GFOD1: variants seen among roughly 807,000 people sequenced by gnomAD.
GFOD1 encodes glucose-fructose oxidoreductase domain-containing protein 1.
In GFOD1, 9 loss-of-function variants were observed where a neutral mutation model predicts 25.4. The observed-to-expected ratio is 0.35, with a 90% CI of 0.21 to 0.62. The LOEUF is 0.62. Among genes scored for constraint, GFOD1 ranks in the 20% least tolerant of loss-of-function variants. The pLI is 0.72. For missense variants in GFOD1, 403 were observed against 556.9 expected (o/e 0.72, Z 2.78); for synonymous variants, 253 against 245.6 (o/e 1.03, Z -0.28).
chr6:13,369,150 C>T (rs1357769460), intron 1 of GFOD1, among the ~76,000 whole-genome samples: 1 of 152,176 alleles, frequency 6.6e-6, no homozygotes, highest in Non-Finnish European at 1.5e-5. Context: ...CCCACAGCAC[C>T]CTGTGGTGCA....
intron 1 of GFOD1, among the ~76,000 whole-genome samples, chr6:13,412,873 A>C (rs1037643995): frequency 3.3e-5 from 5 of 152,240 alleles, no homozygotes; most frequent in African/African-American, 1.2e-4. Flanking sequence ...TCAAATGCTC[A>C]TCTGAGAAGG....
intron 1 of GFOD1, among the ~76,000 whole-genome samples, chr6:13,442,685 C>G (rs1003548298): frequency 6.6e-6 from 1 of 152,206 alleles, no homozygotes; most frequent in African/African-American, 2.4e-5. Flanking sequence ...TGCCTGTGCT[C>G]TATACATGGA....
chr6:13,372,140 T>TGA (rs1584609087), intron 1 of GFOD1, among the ~76,000 whole-genome samples: 1 of 152,330 alleles, frequency 6.6e-6, no homozygotes, highest in East Asian at 1.9e-4. Context: ...ATGGTGGAGC[T>TGA]GAGAGATACC....
chr6:13,367,667 G>C (rs1010363232), intron 1 of GFOD1, among the ~76,000 whole-genome samples: 1 of 151,732 alleles, frequency 6.6e-6, no homozygotes, highest in Non-Finnish European at 1.5e-5. Flanking sequence ...GAGTGGCAGG[G>C]AATGAGAAAG....
intron 1 of GFOD1, among the ~76,000 whole-genome samples, chr6:13,451,088 C>T (rs149879022): frequency 1.8e-4 from 28 of 152,296 alleles, no homozygotes; most frequent in East Asian, 7.7e-4. Flanking sequence ...TTGTACACTT[C>T]GGGCAACTCC....
At position 13,359,732 on chromosome 6, in the gene GFOD1, A is replaced by G. The variant is rs2127553159; in HGVS notation, c.*5011T>C. The G allele has an allele frequency of 6.6e-6, 1 of 152,270 alleles. No individual in the cohort carries two copies. The highest frequency in any genetic ancestry group is 1.9e-4 in the East Asian group (1 of 5,184). The allele number at this position is 152,270 out of a possible 1,614,324, so 9.4% of individuals were successfully genotyped here. ...GGGAGGTCAAGGCGGGCGGATCACA[A>G]GGTCAGGAGTTCAAGACCAGCCTGA... On this transcript the variant is annotated 3_prime_UTR_variant, in exon 2 of 2. Transcript: ENST00000379287.
intron 1 of GFOD1, among the ~76,000 whole-genome samples, chr6:13,452,162 T>G (rs13213515): frequency 6.6e-6 from 1 of 151,890 alleles, no homozygotes; most frequent in South Asian, 2.1e-4. Flanking sequence ...TGGGGCTCCA[T>G]GAGATCCAAT....
intron 1 of GFOD1, among the ~76,000 whole-genome samples, chr6:13,421,775 G>A (rs925119305): frequency 6.6e-5 from 10 of 152,150 alleles, no homozygotes; most frequent in African/African-American, 2.4e-4. Context: ...ATCACAGAAG[G>A]GACTGTTGAG....
At chr6:13,418,985 C>T (rs759779227) in intron 1 of GFOD1, among the ~76,000 whole-genome samples, 9 of 152,148 alleles carry the variant, frequency 5.9e-5, no homozygotes, top group Non-Finnish European at 8.8e-5. Flanking sequence ...ATTGTCCGGT[C>T]GGTGTTTCCT....
At chr6:13,471,725 T>A (rs1758509427) in intron 1 of GFOD1, among the ~76,000 whole-genome samples, 1 of 152,170 alleles carries the variant, frequency 6.6e-6, no homozygotes, top group African/African-American at 2.4e-5. Flanking sequence ...TGCTCAAAAA[T>A]CCATGTTTGG....
chr6:13,358,322 A>G lies in GFOD1; in HGVS notation c.*6421T>C, dbSNP rs556916223. ...TATATATATAAGTTTGGTTTTATAC[A>G]TATACATACATATATACTCATGTTT... On this transcript the variant is annotated 3_prime_UTR_variant, in exon 2 of 2. Coordinates refer to ENST00000379287, the MANE Select transcript of GFOD1 (RefSeq NM_018988.4). The G allele has an allele frequency of 6.6e-6, 1 of 152,236 alleles. No individual in the cohort carries two copies. Among genetic ancestry groups the G allele is most frequent in the Admixed American group, 6.5e-5 (1 of 15,274 alleles). 9.4% of individuals were successfully genotyped at this position (152,236 alleles called of 1,614,324 possible).
chr6:13,441,361 T>C (rs974169212), intron 1 of GFOD1, among the ~76,000 whole-genome samples: 13 of 152,340 alleles, frequency 8.5e-5, no homozygotes, highest in African/African-American at 3.1e-4. Context: ...TCTGAGATCA[T>C]TGCAAGTGAT....
intron 1 of GFOD1, among the ~76,000 whole-genome samples, chr6:13,472,677 C>T (rs895964573): frequency 1.3e-5 from 2 of 152,216 alleles, no homozygotes; most frequent in Admixed American, 6.5e-5. Context: ...GATGGGACAG[C>T]CTCTTCAAAC....
chr6:13,469,596 C>T, intron 1 of GFOD1: 6 of 1,065,520 alleles, frequency 5.6e-6, no homozygotes, highest in Non-Finnish European at 6.8e-6. Flanking sequence ...TCTGATTCCA[C>T]TTGTTCTTAG....
intron 1 of GFOD1, among the ~76,000 whole-genome samples, chr6:13,479,034 A>C (rs1562232158): frequency 6.6e-6 from 1 of 151,546 alleles, no homozygotes; most frequent in South Asian, 2.1e-4. Flanking sequence ...ATGACACCTG[A>C]AGCTTGGCTT....
At chr6:13,374,189 T>A (rs1319484167) in intron 1 of GFOD1, among the ~76,000 whole-genome samples, 1 of 151,768 alleles carries the variant, frequency 6.6e-6, no homozygotes, top group African/African-American at 2.4e-5. Flanking sequence ...CACAACTCGA[T>A]AGTAGTAGAG....
intron 1 of GFOD1, among the ~76,000 whole-genome samples, chr6:13,412,824 G>A (rs924349416): frequency 6.6e-6 from 1 of 152,238 alleles, no homozygotes; most frequent in African/African-American, 2.4e-5. Flanking sequence ...ACCAAGTGTA[G>A]TGACGGGGTG....
At chr6:13,486,258 C>T (rs57203835) in intron 1 of GFOD1, 1 of 247,468 alleles carries the variant, frequency 4.0e-6, no homozygotes, top group Non-Finnish European at 5.7e-6. Context: ...CCCCCCCCCC[C>T]ACACACACAC....
At chr6:13,419,428 C>T (rs1021320691) in intron 1 of GFOD1, among the ~76,000 whole-genome samples, 1 of 152,166 alleles carries the variant, frequency 6.6e-6, no homozygotes, top group Non-Finnish European at 1.5e-5. Context: ...TCTCACTCTC[C>T]ACAGAGACCG....
Sources: gnomAD v4.1 joint callset for allele counts (sites outside exome capture counted in the v4.1 genomes callset) on GRCh38, gnomAD v4.1.1 for gene constraint, MANE v1.5 for transcripts, NCBI Gene and HGNC (gene_info 2026-07-23, HGNC 2026-07-21) for gene names.